Variants in DCP1A observed in about 807,000 individuals in gnomAD.
DCP1A encodes the protein mRNA-decapping enzyme 1A.
Under a neutral mutation model 58.0 loss-of-function variants are expected in DCP1A, and 20 were observed. The ratio of observed to expected loss-of-function variants is 0.34; its 90% CI spans 0.24 to 0.50. DCP1A has a LOEUF of 0.50. DCP1A is among the 20% of genes least tolerant of loss of function. DCP1A has a pLI of 0.98. For missense variants in DCP1A, 613 were observed against 712.2 expected (o/e 0.86, Z 1.59); for synonymous variants, 285 against 275.1 (o/e 1.04, Z -0.36).
At chr3:53,339,922 A>T (rs2089177469) in intron 3 of DCP1A, among the ~76,000 whole-genome samples, 1 of 151,970 alleles carries the variant, frequency 6.6e-6, no homozygotes, top group Admixed American at 6.6e-5. Flanking sequence ...AATTTCTCCC[A>T]CCCTCTTTTC....
chr3:53,330,664 T>C (rs2088978310), intron 3 of DCP1A, among the ~76,000 whole-genome samples: 1 of 151,992 alleles, frequency 6.6e-6, no homozygotes, highest in African/African-American at 2.4e-5. Flanking sequence ...TAAACAAAAT[T>C]CTTTATAAGC....
chr3:53,290,739 C>T (rs1186600576), intron 8 of DCP1A, 52 bp downstream of exon 8: 27 of 1,354,120 alleles, frequency 2.0e-5, no homozygotes, highest in East Asian at 7.6e-5. Flanking sequence ...CTATGGCACC[C>T]GACTAGTCTT....
chr3:53,297,618 C>T (rs1553686935), intron 6 of DCP1A, among the ~76,000 whole-genome samples: 1 of 152,122 alleles, frequency 6.6e-6, no homozygotes, highest in East Asian at 1.9e-4. Context: ...GCCTCGGCTC[C>T]CAAAGTGCTG....
chr3:53,304,373 CA>C, intron 5 of DCP1A, 83 bp from the exon 6 acceptor site: 2 of 906,214 alleles, frequency 2.2e-6, no homozygotes, highest in Non-Finnish European at 3.4e-6. Flanking sequence ...CTGAGGTTAT[CA>C]AAAATGTTAT....
intron 3 of DCP1A, among the ~76,000 whole-genome samples, chr3:53,322,326 C>T (rs1166238670): frequency 1.3e-5 from 2 of 151,908 alleles, no homozygotes; most frequent in Non-Finnish European, 2.9e-5. Flanking sequence ...GTGGTGGATG[C>T]CTGTAATTCC....
chr3:53,310,888 T>C (rs1189163460), intron 5 of DCP1A, among the ~76,000 whole-genome samples: 1 of 152,230 alleles, frequency 6.6e-6, no homozygotes, highest in African/African-American at 2.4e-5. Flanking sequence ...AACATGCCTA[T>C]TTTTAGTCAG....
intron 4 of DCP1A, among the ~76,000 whole-genome samples, chr3:53,318,990 A>C (rs1553689575): frequency 6.6e-6 from 1 of 152,176 alleles, no homozygotes; most frequent in East Asian, 1.9e-4. Flanking sequence ...GGCAGCCTTA[A>C]CCTACAGGTC....
chr3:53,333,289 T>A (rs1160424666), intron 3 of DCP1A, among the ~76,000 whole-genome samples: 1 of 151,860 alleles, frequency 6.6e-6, no homozygotes, highest in Non-Finnish European at 1.5e-5. Flanking sequence ...TACAGGCGCC[T>A]GCCACCATGC....
intron 3 of DCP1A, among the ~76,000 whole-genome samples, chr3:53,325,438 G>C (rs1708080582): frequency 6.6e-6 from 1 of 152,186 alleles, no homozygotes; most frequent in Admixed American, 6.5e-5. Context: ...CTTTTTGGTG[G>C]TGATGTTAAG....
At chr3:53,344,511 G>C (rs1172836516) in intron 2 of DCP1A, among the ~76,000 whole-genome samples, 1 of 152,164 alleles carries the variant, frequency 6.6e-6, no homozygotes, top group Non-Finnish European at 1.5e-5. Context: ...CACTCATGTA[G>C]TAATGAAAGA....
At chr3:53,294,835 T>TATGG (rs1707062221) in intron 6 of DCP1A, among the ~76,000 whole-genome samples, 1 of 152,214 alleles carries the variant, frequency 6.6e-6, no homozygotes. Flanking sequence ...TCAGCACTCC[T>TATGG]AACAACATGG....
Position 53,303,714 on chromosome 3 carries a change from A to G in DCP1A, c.624+463T>C, listed in dbSNP as rs1367906125. Among the ~76,000 whole-genome samples, 5 of 152,320 alleles carry G rather than the reference A, an allele frequency of 3.3e-5. No homozygotes were observed. In the South Asian group the frequency reaches 8.3e-4, roughly 25 times the overall value. ...CAAAGGCCTGTCTCGAGGCAGGAAC[A>G]TATCTGGCACATTTGGGGAAAGACA... is the stretch of plus-strand genomic sequence containing the variant. On this transcript the variant is annotated intron_variant, in intron 6 of 9. Transcript: ENST00000610213.
intron 3 of DCP1A, among the ~76,000 whole-genome samples, chr3:53,323,612 A>G (rs1206633259): frequency 6.6e-6 from 1 of 152,174 alleles, no homozygotes; most frequent in African/African-American, 2.4e-5. Flanking sequence ...TCATGCCTGT[A>G]ATCCCAGAAT....
rs1169884081 is a variant in DCP1A at position 53,342,234 on chromosome 3, G to T, written c.214C>A (p.Arg72=). 2 of 1,602,664 alleles carry T rather than the reference G, an allele frequency of 1.2e-6. No individual in the cohort carries two copies. The highest frequency in any genetic ancestry group is 1.7e-6 in the Non-Finnish European group (2 of 1,172,846). The change falls in exon 3 of 10, where the codon CGA becomes AGA. Residue 72 remains arginine, a synonymous_variant. Coordinates refer to ENST00000610213, the MANE Select transcript of DCP1A (RefSeq NM_018403.7). ...TCAACTAGATTGTGCATATTTAGTC[G>T]ATTCACAATGGTAAAACCATGGTAA... ...SPYHGFTIVN[R]LNMHNLVEPV...
At chr3:53,287,954 C>T in intron 9 of DCP1A, 111 bp downstream of exon 9, 1 of 1,139,702 alleles carries the variant, frequency 8.8e-7, no homozygotes. Context: ...TTTGCCTGGC[C>T]TCCAGCTAGT....
chr3:53,307,405 G>A (rs1553688196), intron 5 of DCP1A, among the ~76,000 whole-genome samples: 1 of 152,108 alleles, frequency 6.6e-6, no homozygotes, highest in East Asian at 1.9e-4. Context: ...ACTGAGAGCT[G>A]GGCTGTAAAT....
chr3:53,299,873 T>C (rs1370241604), intron 6 of DCP1A, among the ~76,000 whole-genome samples: 1 of 152,204 alleles, frequency 6.6e-6, no homozygotes, highest in Non-Finnish European at 1.5e-5. Flanking sequence ...TAATGGAGTC[T>C]TCCTCCCACC....
chr3:53,284,132 C>A lies in DCP1A; in HGVS notation c.*3448G>T, dbSNP rs1706536914. The A allele has an allele frequency of 6.6e-6, 1 of 152,206 alleles. No homozygotes were observed. The highest frequency in any genetic ancestry group is 2.4e-5 in the African/African-American group (1 of 41,450). 9.4% of individuals were successfully genotyped at this position (152,206 alleles called of 1,614,324 possible). ...ACGTGCAGCCAGGATGCAGGATGCG[C>A]ACCCTAGGATTCCTCAGTTCTCCTC... On this transcript the variant is annotated 3_prime_UTR_variant, in exon 10 of 10. Transcript: ENST00000610213.
At chr3:53,298,276 G>A (rs1416706250) in intron 6 of DCP1A, among the ~76,000 whole-genome samples, 1 of 152,144 alleles carries the variant, frequency 6.6e-6, no homozygotes, top group East Asian at 1.9e-4. Context: ...GTAGAACCCT[G>A]ACCCCTGACT....
Sources: gnomAD v4.1 joint callset for allele counts (sites outside exome capture counted in the v4.1 genomes callset) on GRCh38, gnomAD v4.1.1 for gene constraint, MANE v1.5 for transcripts, NCBI Gene and HGNC (gene_info 2026-07-23, HGNC 2026-07-21) for gene names.